VEGFC: variants seen among roughly 807,000 people sequenced by gnomAD.
VEGFC encodes the protein vascular endothelial growth factor C, also known as FLT4 ligand DHM.
In VEGFC, 12 loss-of-function variants were observed where a neutral mutation model predicts 46.1. The observed-to-expected ratio is 0.26, with a 90% CI of 0.17 to 0.42. The LOEUF is 0.42. Ranked by LOEUF, VEGFC falls within the 10% of genes least tolerant of loss-of-function variation. The probability of loss-of-function intolerance (pLI) is 1.00; values close to 1 mark genes in which losing one functional copy is unlikely to be tolerated. For missense variants in VEGFC, 488 were observed against 529.4 expected, an observed-to-expected ratio of 0.92 and a Z score of 0.77; for synonymous variants, 232 against 195.5, an observed-to-expected ratio of 1.19 and a Z score of -1.56.
At chr4:176,691,967 C>T (rs1390714351) in intron 4 of VEGFC, among the ~76,000 whole-genome samples, 1 of 152,104 alleles carries the variant, frequency 6.6e-6, no homozygotes, top group Admixed American at 6.5e-5. Context: ...CGAAGCAGGG[C>T]GAGGCATTGC....
chr4:176,703,383 A>T (rs994017695), intron 4 of VEGFC, among the ~76,000 whole-genome samples: 2 of 152,096 alleles, frequency 1.3e-5, no homozygotes, highest in African/African-American at 4.8e-5. Context: ...ACAGAAAGAC[A>T]CATATCTCAT....
At chr4:176,692,170 G>A (rs111570845) in intron 4 of VEGFC, among the ~76,000 whole-genome samples, 10,764 of 150,454 alleles carry the variant, frequency 0.072, 1,198 homozygotes, top group African/African-American at 0.25. Flanking sequence ...CGAGGCGGGC[G>A]GATCACGAGG....
chr4:176,765,806 G>A (rs187544960), intron 1 of VEGFC, among the ~76,000 whole-genome samples: 1 of 152,120 alleles, frequency 6.6e-6, no homozygotes, highest in Admixed American at 6.5e-5. Context: ...CCCTGCCTTG[G>A]CCTCCCAAAG....
intron 3 of VEGFC, among the ~76,000 whole-genome samples, chr4:176,717,291 A>T (rs1734714878): frequency 6.6e-6 from 1 of 152,134 alleles, no homozygotes; most frequent in Non-Finnish European, 1.5e-5. Flanking sequence ...ACTGAAAAAA[A>T]AATCTGACTG....
rs745428027 is a variant in VEGFC at position 176,683,940 on chromosome 4, G to A, written c.1246C>T (p.Pro416Ser). 7.4e-6 allele frequency: 12 copies of A among 1,613,308 alleles called. No homozygotes were observed. The highest frequency in any genetic ancestry group is 1.0e-5 in the Non-Finnish European group (12 of 1,179,268). The change falls in exon 7 of 7, where the codon CCA becomes TCA. Residue 416 changes from proline to serine, a missense_variant. Physicochemically the swap from Pro to Ser is moderately conservative, Grantham distance 74 (BLOSUM62 -1). Coordinates refer to ENST00000618562, the MANE Select transcript of VEGFC (RefSeq NM_005429.5). ...ACAGTACAATCTTAGCTCATTTGTG[G>A]TCTTTTCCAATATGAAGGGACACAA... ...CRCVPSYWKR[P>S]QMS
intron 1 of VEGFC, among the ~76,000 whole-genome samples, chr4:176,768,491 C>CATATATATATAT (rs145504348): frequency 0.057 from 5,770 of 100,382 alleles, 317 homozygotes; most frequent in Admixed American, 0.11. Flanking sequence ...ATGTTTTATA[C>CATATATATATAT]ATATATATAT....
At chr4:176,786,114 T>C (rs1040260778) in intron 1 of VEGFC, among the ~76,000 whole-genome samples, 2 of 152,118 alleles carry the variant, frequency 1.3e-5, no homozygotes, top group Non-Finnish European at 2.9e-5. Flanking sequence ...CAGTTGAAAA[T>C]GGCTTCTGAG....
intron 3 of VEGFC, among the ~76,000 whole-genome samples, chr4:176,725,141 T>C (rs547472222): frequency 1.6e-4 from 24 of 152,302 alleles, no homozygotes; most frequent in African/African-American, 5.3e-4. Flanking sequence ...GATTTGATCA[T>C]TACACATTTT....
intron 1 of VEGFC, among the ~76,000 whole-genome samples, chr4:176,780,412 C>A (rs1194092001): frequency 1.3e-5 from 1 of 76,898 alleles, no homozygotes; most frequent in African/African-American, 3.4e-5. Context: ...CCTTCTAACC[C>A]ATTCACTAAG....
intron 1 of VEGFC, among the ~76,000 whole-genome samples, chr4:176,768,730 G>C (rs946078267): frequency 1.3e-5 from 2 of 151,574 alleles, no homozygotes; most frequent in Non-Finnish European, 2.9e-5. Context: ...ATTTCCCACT[G>C]TCAGGTATCA....
At chr4:176,732,058 T>C (rs1734977297) in intron 1 of VEGFC, among the ~76,000 whole-genome samples, 1 of 151,838 alleles carries the variant, frequency 6.6e-6, no homozygotes, top group Admixed American at 6.6e-5. Flanking sequence ...GAATATAAAA[T>C]AAAATGAAAA....
intron 1 of VEGFC, among the ~76,000 whole-genome samples, chr4:176,739,808 G>A (rs1230513552): frequency 6.6e-6 from 1 of 150,962 alleles, no homozygotes; most frequent in African/African-American, 2.4e-5. Context: ...CTCGGCAAAT[G>A]GTGGGAACAA....
intron 1 of VEGFC, among the ~76,000 whole-genome samples, chr4:176,732,796 T>C (rs1045873970): frequency 6.6e-6 from 1 of 151,634 alleles, no homozygotes; most frequent in African/African-American, 2.4e-5. Context: ...TTAATACCAA[T>C]AGCAATTTAC....
intron 1 of VEGFC, among the ~76,000 whole-genome samples, chr4:176,760,027 T>G (rs1735502212): frequency 6.6e-6 from 1 of 152,070 alleles, no homozygotes; most frequent in East Asian, 1.9e-4. Context: ...AAGGAGGACA[T>G]AAAACAAATA....
At chr4:176,704,467 T>G (rs1262964579) in intron 4 of VEGFC, among the ~76,000 whole-genome samples, 2 of 152,096 alleles carry the variant, frequency 1.3e-5, no homozygotes, top group African/African-American at 4.8e-5. Flanking sequence ...ATCCATACAG[T>G]TTCATCCTCA....
At chr4:176,788,641 C>T (rs998394341) in intron 1 of VEGFC, among the ~76,000 whole-genome samples, 12 of 152,284 alleles carry the variant, frequency 7.9e-5, no homozygotes, top group African/African-American at 2.4e-4. Flanking sequence ...CTTCCATTGT[C>T]CAGCATCCAG....
At chr4:176,767,123 T>A (rs374079725) in intron 1 of VEGFC, among the ~76,000 whole-genome samples, 260 of 50,414 alleles carry the variant, frequency 5.2e-3, no homozygotes, top group East Asian at 8.6e-3. Context: ...TGTAGAAATC[T>A]AAAAAAAAAA....
At chr4:176,691,989 A>G (rs936650424) in intron 4 of VEGFC, among the ~76,000 whole-genome samples, 1 of 152,172 alleles carries the variant, frequency 6.6e-6, no homozygotes, top group Non-Finnish European at 1.5e-5. Flanking sequence ...TCACTTGGGA[A>G]GCACAAGTGG....
intron 1 of VEGFC, among the ~76,000 whole-genome samples, chr4:176,760,841 G>T (rs934424186): frequency 6.6e-6 from 1 of 152,090 alleles, no homozygotes; most frequent in Non-Finnish European, 1.5e-5. Flanking sequence ...CGATATTGAG[G>T]GAGCTTCAAA....
Sources: gnomAD v4.1 joint callset for allele counts (sites outside exome capture counted in the v4.1 genomes callset) on GRCh38, gnomAD v4.1.1 for gene constraint, MANE v1.5 for transcripts, NCBI Gene and HGNC (gene_info 2026-07-23, HGNC 2026-07-21) for gene names.